Variants in PCDHGB6 observed in about 807,000 individuals in gnomAD.
PCDHGB6 encodes protocadherin gamma subfamily B, 6.
PCDHGB6 carries 51 observed loss-of-function variants against 59.1 expected under a neutral mutation model. That is an observed-to-expected ratio of 0.86 (90% CI 0.69 to 1.09). The LOEUF is 1.09. Among genes scored for constraint, PCDHGB6 ranks in the 50% least tolerant of loss-of-function variants. The pLI, the probability that PCDHGB6 is intolerant of heterozygous loss-of-function variation, is 0.00. For synonymous variants in PCDHGB6, 466 were observed against 495.1 expected, an observed-to-expected ratio of 0.94 and a Z score of 0.78; for missense variants, 1,148 against 1,205.1, an observed-to-expected ratio of 0.95 and a Z score of 0.70.
chr5:141,479,333 G>A (rs2154577502), intron 1 of PCDHGB6: 1 of 152,652 alleles, frequency 6.6e-6, no homozygotes, highest in East Asian at 1.9e-4. Context: ...TCAGTGGTGT[G>A]CACCTGTAGT....
chr5:141,413,760 C>G (rs778067298), intron 1 of PCDHGB6: 2 of 1,613,250 alleles, frequency 1.2e-6, no homozygotes, highest in African/African-American at 2.7e-5. Context: ...GCGTCAAGTA[C>G]CCGGAGCTGG....
chr5:141,496,993 C>G (rs981547671), intron 2 of PCDHGB6, among the ~76,000 whole-genome samples: 1 of 151,910 alleles, frequency 6.6e-6, no homozygotes, highest in South Asian at 2.1e-4. Flanking sequence ...TGAGACCAGC[C>G]TGGCAGCCAA....
At chr5:141,413,658 T>G (rs2154544690) in intron 1 of PCDHGB6, 1 of 1,613,860 alleles carries the variant, frequency 6.2e-7, no homozygotes, top group East Asian at 2.2e-5. Flanking sequence ...TCCCGGAAGC[T>G]ATTGATCCGG....
intron 1 of PCDHGB6, among the ~76,000 whole-genome samples, chr5:141,468,798 G>A (rs895012127): frequency 7.9e-5 from 12 of 151,646 alleles, no homozygotes; most frequent in East Asian, 2.0e-4. Context: ...CCCGGGAGGC[G>A]GAACTTGCAG....
chr5:141,432,237 A>T lies in PCDHGB6; in HGVS notation c.2418+21617A>T. ...GCCCAGATCACTTATTCCCTGGCTG[A>T]GAACACCATCCAAGGGGCAAGCCTA... On this transcript the variant is annotated intron_variant, in intron 1 of 3. Transcript: ENST00000520790. The surrounding 1 kb of genome is among the most constrained non-coding windows in gnomAD (Gnocchi z 6.0). The T allele has an allele frequency of 2.5e-6, 4 of 1,614,224 alleles. No individual in the cohort carries two copies. Among genetic ancestry groups the T allele is most frequent in the Non-Finnish European group, 3.4e-6 (4 of 1,180,032 alleles).
Position 141,408,823 on chromosome 5 carries a change from T to G in PCDHGB6, c.621T>G (p.Ser207=). ...EKLLDREEQR[S]HSLILTALDG... ...TCCTAGACCGGGAAGAACAGAGATC[T>G]CATAGCTTGATATTGACTGCCTTGG... is the stretch of plus-strand genomic sequence containing the variant. The change falls in exon 1 of 4, where the codon TCT becomes TCG. Residue 207 remains serine (S), a synonymous_variant. Coordinates refer to ENST00000520790, the MANE Select transcript of PCDHGB6 (RefSeq NM_018926.3). The G allele has an allele frequency of 4.3e-6, 7 of 1,613,568 alleles. No homozygotes were observed. Among genetic ancestry groups the G allele is most frequent in the Non-Finnish European group, 5.9e-6 (7 of 1,179,752 alleles).
intron 1 of PCDHGB6, among the ~76,000 whole-genome samples, chr5:141,464,715 T>C (rs1013508667): frequency 2.0e-5 from 3 of 152,090 alleles, no homozygotes; most frequent in Admixed American, 2.0e-4. Flanking sequence ...AAATAGTTTT[T>C]CATATGTTTA....
rs2099745664 is a variant in PCDHGB6 at position 141,493,015 on chromosome 5, T to A, written c.2419-1792T>A. Among the ~76,000 whole-genome samples, 1 of 152,238 alleles carries A rather than the reference T, an allele frequency of 6.6e-6. No homozygotes were observed. The highest frequency in any genetic ancestry group is 1.5e-5 in the Non-Finnish European group (1 of 68,040). ...ATGGAAAGCTATAGGCTCTGCCAGA[T>A]GCCAGGGTGCCCTTATGTGTGAGGA... On this transcript the variant is annotated intron_variant, in intron 1 of 3. Transcript: ENST00000520790. The surrounding 1 kb of genome is among the most constrained non-coding windows in gnomAD (Gnocchi z 4.3).
chr5:141,419,451 C>T (rs747887064), intron 1 of PCDHGB6: 2 of 1,612,796 alleles, frequency 1.2e-6, no homozygotes, highest in Non-Finnish European at 8.5e-7. Flanking sequence ...TTCGAGCTCA[C>T]GCTGCAGGCC....
chr5:141,436,040 C>A (rs989038133), intron 1 of PCDHGB6, among the ~76,000 whole-genome samples: 2 of 152,060 alleles, frequency 1.3e-5, no homozygotes, highest in African/African-American at 4.8e-5. Context: ...TTTGTATTTA[C>A]ATTAGTTTTC....
intron 2 of PCDHGB6, among the ~76,000 whole-genome samples, chr5:141,502,200 C>T (rs553356132): frequency 6.6e-6 from 1 of 152,252 alleles, no homozygotes; most frequent in African/African-American, 2.4e-5. Flanking sequence ...AATATAGAAT[C>T]CACCAGCAGA....
At position 141,454,320 on chromosome 5, in the gene PCDHGB6, C is replaced by T. The variant is rs140074578; in HGVS notation, c.2419-40487C>T. ...CAGATATTTCAAAGCATTGAAACCTCCAAGAATAAATAAAATGTTGGAAGT... is the reference window on the plus strand; with the variant it reads ...CAGATATTTCAAAGCATTGAAACCTTCAAGAATAAATAAAATGTTGGAAGT... On this transcript the variant is annotated intron_variant, in intron 1 of 3. Coordinates refer to ENST00000520790, the MANE Select transcript of PCDHGB6 (RefSeq NM_018926.3). Among the ~76,000 whole-genome samples, 592 of 152,266 alleles carry T rather than the reference C, an allele frequency of 3.9e-3. 6 individuals are homozygous for T. Among genetic ancestry groups the T allele is most frequent in the Admixed American group, 0.011 (171 of 15,288 alleles).
chr5:141,475,989 A>G, intron 1 of PCDHGB6: 1 of 1,130,622 alleles, frequency 8.8e-7, no homozygotes, highest in Non-Finnish European at 1.3e-6. Flanking sequence ...CCGGCGAGCA[A>G]ATCAACGGCA....
rs1048758308 is a variant in PCDHGB6 at position 141,498,931 on chromosome 5, A to T, written c.2477+4066A>T. Among the ~76,000 whole-genome samples the T allele has an allele frequency of 6.2e-4, 88 of 141,764 alleles. 1 individual carries two copies. Among genetic ancestry groups the T allele is most frequent in the Non-Finnish European group, 1.1e-3 (70 of 64,686 alleles). 93.0% of individuals were successfully genotyped at this position (141,764 alleles called of 152,430 possible). On this transcript the variant is annotated intron_variant, in intron 2 of 3. Coordinates refer to ENST00000520790, the MANE Select transcript of PCDHGB6 (RefSeq NM_018926.3). ...CTGGGTGACAGAGCGAGACTCCATC[A>T]GGAAAGAAAGAAAGAAAAAGAGAGA... is the stretch of plus-strand genomic sequence containing the variant.
intron 1 of PCDHGB6, among the ~76,000 whole-genome samples, chr5:141,469,187 G>T (rs147209381): frequency 5.9e-5 from 9 of 151,588 alleles, no homozygotes; most frequent in African/African-American, 1.9e-4. Context: ...GAGGCAAGAG[G>T]ATTGCTTGAG....
intron 1 of PCDHGB6, among the ~76,000 whole-genome samples, chr5:141,480,768 A>G (rs1371582817): frequency 6.6e-6 from 1 of 152,162 alleles, no homozygotes; most frequent in African/African-American, 2.4e-5. Flanking sequence ...TCCCCACTTG[A>G]TCCTAATGTG....
In PCDHGB6 at chr5:141,485,701, A is replaced by G. The variant is rs747748476; in HGVS notation, c.2419-9106A>G. The G allele has an allele frequency of 1.9e-6, 3 of 1,614,104 alleles. No homozygotes were observed. Among genetic ancestry groups the G allele is most frequent in the Non-Finnish European group, 2.5e-6 (3 of 1,180,010 alleles). On this transcript the variant is annotated intron_variant, in intron 1 of 3. Transcript: ENST00000520790. The surrounding 1 kb of genome is among the most constrained non-coding windows in gnomAD (Gnocchi z 5.7). ...GCAGCTATAGGCTGAGCTCCAATGAACACTTTGCACTGGATGTGAAGAAGC... is the reference window on the plus strand; with the variant it reads ...GCAGCTATAGGCTGAGCTCCAATGAGCACTTTGCACTGGATGTGAAGAAGC...
At chr5:141,453,377 T>TC (rs1242854086) in intron 1 of PCDHGB6, among the ~76,000 whole-genome samples, 3 of 152,072 alleles carry the variant, frequency 2.0e-5, no homozygotes, top group Admixed American at 2.0e-4. Context: ...CAAGTGATCC[T>TC]CCTGCCTTAG....
intron 1 of PCDHGB6, chr5:141,419,989 T>C (rs778087109): frequency 4.1e-5 from 66 of 1,613,962 alleles, no homozygotes; most frequent in Non-Finnish European, 5.2e-5. Context: ...TGATTCTAGC[T>C]ATTGCTCTAC....
Sources: allele counts gnomAD v4.1 joint callset (sites outside exome capture counted in the v4.1 genomes callset), GRCh38; gene constraint gnomAD v4.1.1; non-coding constraint Gnocchi (gnomAD v3.1); transcripts MANE v1.5; gene names NCBI Gene and HGNC (gene_info 2026-07-23, HGNC 2026-07-21).